The following THSD7A variants were observed in gnomAD, a reference collection of about 807,000 sequenced individuals.
The protein encoded by THSD7A is thrombospondin type-1 domain-containing protein 7A.
A neutral mutation model predicts 231.3 loss-of-function variants in THSD7A; 96 were observed. The observed-to-expected ratio is 0.41, with a 90% CI of 0.35 to 0.49. The LOEUF (loss-of-function observed/expected upper bound fraction) is 0.49. Among genes scored for constraint, THSD7A ranks in the 20% least tolerant of loss-of-function variants. THSD7A has a pLI of 0.05. For synonymous variants in THSD7A, 940 were observed against 743.3 expected (o/e 1.26, Z -4.30); for missense variants, 2,290 against 2,070.2 (o/e 1.11, Z -2.06).
chr7:11,465,700 C>G (rs1785674826), intron 9 of THSD7A, among the ~76,000 whole-genome samples: 1 of 151,966 alleles, frequency 6.6e-6, no homozygotes, highest in Non-Finnish European at 1.5e-5. Flanking sequence ...GGTGGTAATT[C>G]TAGTGCTCTA....
intron 1 of THSD7A, among the ~76,000 whole-genome samples, chr7:11,737,097 T>C (rs67388503): frequency 0.19 from 29,384 of 151,902 alleles, 3,707 homozygotes; most frequent in African/African-American, 0.35. Context: ...TCAATTAAAC[T>C]CCTTTCCCTT....
chr7:11,802,187 T>A (rs575176268), intron 1 of THSD7A, among the ~76,000 whole-genome samples: 12 of 152,172 alleles, frequency 7.9e-5, no homozygotes, highest in African/African-American at 2.9e-4. Context: ...CCATCTCCTT[T>A]CCAAATCAAG....
At chr7:11,780,031 T>C (rs950912568) in intron 1 of THSD7A, among the ~76,000 whole-genome samples, 1 of 152,208 alleles carries the variant, frequency 6.6e-6, no homozygotes, top group Non-Finnish European at 1.5e-5. Flanking sequence ...TTTCATAGTC[T>C]GGGTCTGGGG....
intron 11 of THSD7A, among the ~76,000 whole-genome samples, chr7:11,458,103 G>A (rs910353917): frequency 6.6e-6 from 1 of 152,008 alleles, no homozygotes; most frequent in Non-Finnish European, 1.5e-5. Context: ...GATGTGCTAG[G>A]GGGGACAGAG....
intron 1 of THSD7A, among the ~76,000 whole-genome samples, chr7:11,704,099 C>T (rs959361782): frequency 1.3e-5 from 2 of 151,004 alleles, no homozygotes; most frequent in African/African-American, 2.4e-5. Context: ...AACAAAGCAT[C>T]GAAAGTTCTC....
intron 23 of THSD7A, among the ~76,000 whole-genome samples, chr7:11,392,583 A>G (rs1783026216): frequency 6.6e-6 from 1 of 152,140 alleles, no homozygotes; most frequent in African/African-American, 2.4e-5. Context: ...TGAGTGGACT[A>G]ACTCAGTGGA....
At chr7:11,640,638 G>A (rs1455992812) in intron 1 of THSD7A, among the ~76,000 whole-genome samples, 5 of 151,976 alleles carry the variant, frequency 3.3e-5, no homozygotes, top group Admixed American at 6.6e-5. Context: ...AGATGATCAC[G>A]GGTGTCAACT....
At chr7:11,600,534 G>C (rs535455090) in intron 2 of THSD7A, among the ~76,000 whole-genome samples, 1 of 152,212 alleles carries the variant, frequency 6.6e-6, no homozygotes, top group East Asian at 1.9e-4. Context: ...TGGTATGGAC[G>C]TCATCAATTG....
chr7:11,433,792 T>C (rs1209745038), intron 13 of THSD7A, among the ~76,000 whole-genome samples: 3 of 151,984 alleles, frequency 2.0e-5, no homozygotes, highest in Non-Finnish European at 4.4e-5. Context: ...TTAGTAAGAT[T>C]TAACATGTAT....
chr7:11,832,067 T>C lies in THSD7A; in HGVS notation c.-121A>G, dbSNP rs74480493. ...AAAGCTCTTTCCTGCTATTGTTCGC[T>C]TCAGATGAGAAGGAGGGAGAGCGCG... On this transcript the variant is annotated 5_prime_UTR_variant, in exon 1 of 28. Coordinates refer to ENST00000423059, the MANE Select transcript of THSD7A (RefSeq NM_015204.3). 5.3e-3 allele frequency: 3,491 copies of C among 658,718 alleles called. 104 individuals are homozygous for C. In the African/African-American group the frequency reaches 0.06, roughly 11 times the overall value. 40.8% of individuals were successfully genotyped at this position (658,718 alleles called of 1,614,324 possible). A position where few individuals can be genotyped will look rare whatever the true frequency, so the allele number is the denominator to read the frequency against.
rs1562616107 is a variant in THSD7A, at chr7:11,446,559, A to C, written c.2801-235T>G. 6.6e-6 allele frequency among the ~76,000 whole-genome samples: 1 copy of C among 152,054 alleles called. No homozygotes were observed. Among genetic ancestry groups the C allele is most frequent in the Non-Finnish European group, 1.5e-5 (1 of 67,984 alleles). ...TTATTTTTTCAGAACACTATTTTTC[A>C]CATACTTTTTAATTATACTACAGAT... On this transcript the variant is annotated intron_variant, in intron 12 of 27. Coordinates refer to ENST00000423059, the MANE Select transcript of THSD7A (RefSeq NM_015204.3). This position sits in a 1 kb window ranked among gnomAD's most constrained non-coding sequence, Gnocchi z 4.0.
intron 1 of THSD7A, among the ~76,000 whole-genome samples, chr7:11,662,958 G>A (rs1479356650): frequency 1.3e-5 from 2 of 151,074 alleles, no homozygotes; most frequent in African/African-American, 2.4e-5. Flanking sequence ...TAAGAAAGAA[G>A]GCTGTAAAAA....
chr7:11,471,011 A>C (rs1271651961), intron 8 of THSD7A, among the ~76,000 whole-genome samples: 1 of 151,982 alleles, frequency 6.6e-6, no homozygotes, highest in East Asian at 1.9e-4. Context: ...AGAAGTAATA[A>C]TTTTTAAATT....
rs57303048 is a variant in THSD7A, at chr7:11,650,804, ATTTGTTTTGTTTTGT to A, written c.191-13858_191-13844del. ...CACACAATGAGCTTGTGGTAGATGT[ATTTGTTTTGTTTTGT>A]TTTGTTTTGTTTTGTTTTTTTCTAA... On this transcript the variant is annotated intron_variant, in intron 1 of 27. Coordinates refer to ENST00000423059, the MANE Select transcript of THSD7A (RefSeq NM_015204.3). Among the ~76,000 whole-genome samples, 260 of 151,308 alleles carry A rather than the reference ATTTGTTTTGTTTTGT, an allele frequency of 1.7e-3. 2 individuals carry two copies. The highest frequency in any genetic ancestry group is 5.6e-3 in the African/African-American group (230 of 41,322).
intron 4 of THSD7A, among the ~76,000 whole-genome samples, chr7:11,567,744 G>A (rs2128333006): frequency 6.6e-6 from 1 of 152,228 alleles, no homozygotes; most frequent in African/African-American, 2.4e-5. Context: ...AGCTGTATAT[G>A]GACCCTGTTA....
chr7:11,461,929 T>C, intron 10 of THSD7A, 82 bp downstream of exon 10: 3 of 1,510,942 alleles, frequency 2.0e-6, no homozygotes, highest in South Asian at 1.3e-5. Flanking sequence ...CAGTGTTGAC[T>C]TCCTTTCCTT....
At chr7:11,379,538 A>C (rs1399483719) in intron 25 of THSD7A, 92 bp downstream of exon 25, 1 of 1,246,306 alleles carries the variant, frequency 8.0e-7, no homozygotes, top group Non-Finnish European at 1.1e-6. Flanking sequence ...GCCTCAAGAC[A>C]TGCTTTCTTT....
chr7:11,716,000 C>T (rs1781122678), intron 1 of THSD7A, among the ~76,000 whole-genome samples: 1 of 151,536 alleles, frequency 6.6e-6, no homozygotes, highest in South Asian at 2.1e-4. Context: ...TACTAAGATT[C>T]TAGAAAGAGG....
At chr7:11,470,762 A>AT (rs1785905962) in intron 8 of THSD7A, among the ~76,000 whole-genome samples, 1 of 151,894 alleles carries the variant, frequency 6.6e-6, no homozygotes, top group Admixed American at 6.6e-5. Context: ...AAAATACTGT[A>AT]TTTTTGACAT....
Sources: gnomAD v4.1 joint callset for allele counts (sites outside exome capture counted in the v4.1 genomes callset) on GRCh38, gnomAD v4.1.1 for gene constraint, Gnocchi (gnomAD v3.1) non-coding constraint, MANE v1.5 for transcripts, NCBI Gene and HGNC (gene_info 2026-07-23, HGNC 2026-07-21) for gene names.